Variants in UNC5C observed in about 807,000 individuals in gnomAD.
UNC5C encodes unc-5 netrin receptor C.
In UNC5C, 47 loss-of-function variants were observed where a neutral mutation model predicts 99.8. That is an observed-to-expected ratio of 0.47 (90% CI 0.37 to 0.60). The LOEUF (loss-of-function observed/expected upper bound fraction) is 0.60, where lower values mean the gene tolerates loss of function less well. UNC5C is among the 20% of genes least tolerant of loss of function. The pLI, the probability that UNC5C is intolerant of heterozygous loss-of-function variation, is 0.00. For synonymous variants in UNC5C, 487 were observed against 452.2 expected (o/e 1.08, Z -0.98); for missense variants, 1,062 against 1,165.9 (o/e 0.91, Z 1.30).
chr4:95,523,879 G>A (rs1033086091), intron 1 of UNC5C, among the ~76,000 whole-genome samples: 1 of 151,930 alleles, frequency 6.6e-6, no homozygotes. Flanking sequence ...TTCTATAAAA[G>A]GTTCACAAAT....
Position 95,464,120 on chromosome 4 carries a change from A to ATATG in UNC5C, c.124+84610_124+84613dup, listed in dbSNP as rs1345823227. Among the ~76,000 whole-genome samples, 5 of 152,228 alleles carry ATATG rather than the reference A, an allele frequency of 3.3e-5. No homozygotes were observed. The South Asian group carries it at 6.2e-4, about 19-fold the overall frequency. Reference sequence around the variant, plus strand: ...CTATTACGTAACAGAAAGGTGCTGGATATGTAGATGGAGGGAAACATCTCA... The same window carrying ATATG: ...CTATTACGTAACAGAAAGGTGCTGGATATGTATGTAGATGGAGGGAAACATCTCA... On this transcript the variant is annotated intron_variant, in intron 1 of 15. Coordinates refer to ENST00000453304, the MANE Select transcript of UNC5C (RefSeq NM_003728.4).
chr4:95,387,461 T>C (rs761648263), intron 1 of UNC5C, among the ~76,000 whole-genome samples: 1 of 152,180 alleles, frequency 6.6e-6, no homozygotes, highest in African/African-American at 2.4e-5. Flanking sequence ...GAATGCAGTA[T>C]CTTTAAGAAT....
At chr4:95,173,378 T>A (rs1377780844) in intron 14 of UNC5C, among the ~76,000 whole-genome samples, 3,694 of 114,902 alleles carry the variant, frequency 0.032, no homozygotes, top group East Asian at 0.062. Flanking sequence ...GCTGTGGGTT[T>A]GTCATAGATA....
chr4:95,208,134 T>A (rs2149362975), intron 10 of UNC5C, among the ~76,000 whole-genome samples: 1 of 152,320 alleles, frequency 6.6e-6, no homozygotes, highest in Admixed American at 6.5e-5. Context: ...AACTCAACAC[T>A]CAAATAGTAT....
intron 1 of UNC5C, among the ~76,000 whole-genome samples, chr4:95,461,255 A>G (rs1044257162): frequency 1.3e-5 from 2 of 152,192 alleles, no homozygotes; most frequent in Non-Finnish European, 2.9e-5. Context: ...TTAATGTTTG[A>G]TTGATTCTTC....
At chr4:95,327,968 G>T (rs1272935827) in intron 2 of UNC5C, among the ~76,000 whole-genome samples, 1 of 151,348 alleles carries the variant, frequency 6.6e-6, no homozygotes, top group African/African-American at 2.4e-5. Context: ...GCCATCCGTG[G>T]AGGCAAAGCT....
At chr4:95,293,682 G>A (rs183237903) in intron 3 of UNC5C, among the ~76,000 whole-genome samples, 2 of 152,188 alleles carry the variant, frequency 1.3e-5, no homozygotes, top group African/African-American at 4.8e-5. Flanking sequence ...ACAAATCCTT[G>A]TCTCCTCCTC....
intron 6 of UNC5C, among the ~76,000 whole-genome samples, chr4:95,243,392 A>G (rs1442086796): frequency 6.6e-6 from 1 of 152,188 alleles, no homozygotes; most frequent in African/African-American, 2.4e-5. Context: ...CTTAAGTCTC[A>G]GTTTGAAAAA....
chr4:95,482,097 G>A (rs1431364034), intron 1 of UNC5C, among the ~76,000 whole-genome samples: 11 of 151,982 alleles, frequency 7.2e-5, no homozygotes, highest in African/African-American at 2.7e-4. Flanking sequence ...GAAAATTTTT[G>A]CAACCTACTC....
At chr4:95,531,689 C>G (rs986512008) in intron 1 of UNC5C, among the ~76,000 whole-genome samples, 1 of 152,176 alleles carries the variant, frequency 6.6e-6, no homozygotes, top group Non-Finnish European at 1.5e-5. Context: ...TACAGGGAAA[C>G]ACTGGGTTTA....
Position 95,393,747 on chromosome 4 carries a change from T to C in UNC5C, c.125-58116A>G, listed in dbSNP as rs187044704. On this transcript the variant is annotated intron_variant, in intron 1 of 15. Coordinates refer to ENST00000453304, the MANE Select transcript of UNC5C (RefSeq NM_003728.4). ...CCGTGATCGCTTATTCATTTGAAAT[T>C]AAAAGCCTACTGATGTTTTATTACA... 9.8e-5 allele frequency among the ~76,000 whole-genome samples: 15 copies of C among 152,320 alleles called. No individual in the cohort carries two copies. The East Asian group carries it at 2.7e-3, about 27-fold the overall frequency.
chr4:95,398,753 C>G (rs142158488), intron 1 of UNC5C, among the ~76,000 whole-genome samples: 5 of 152,028 alleles, frequency 3.3e-5, no homozygotes, highest in African/African-American at 1.2e-4. Context: ...TTAGTCTGTG[C>G]CTTCTCAGTG....
At chr4:95,377,202 ACACT>A (rs1449719950) in intron 1 of UNC5C, among the ~76,000 whole-genome samples, 1 of 152,194 alleles carries the variant, frequency 6.6e-6, no homozygotes, top group Non-Finnish European at 1.5e-5. Context: ...TTTCAAAATC[ACACT>A]TTTCAATTTT....
chr4:95,180,629 G>A (rs952929171), intron 14 of UNC5C, among the ~76,000 whole-genome samples: 5 of 152,290 alleles, frequency 3.3e-5, no homozygotes, highest in African/African-American at 1.2e-4. Context: ...TACATGTCAC[G>A]CACAGCCTGG....
At chr4:95,415,237 A>G (rs1463996667) in intron 1 of UNC5C, among the ~76,000 whole-genome samples, 3 of 152,162 alleles carry the variant, frequency 2.0e-5, no homozygotes, top group Non-Finnish European at 4.4e-5. Flanking sequence ...CATAGTCTAC[A>G]TTTATTGGCA....
chr4:95,545,787 C>A (rs1723045126), intron 1 of UNC5C, among the ~76,000 whole-genome samples: 1 of 152,090 alleles, frequency 6.6e-6, no homozygotes, highest in Non-Finnish European at 1.5e-5. Context: ...CACACACACA[C>A]ACACACACTG....
At chr4:95,368,256 A>G (rs1293317025) in intron 1 of UNC5C, among the ~76,000 whole-genome samples, 3 of 151,724 alleles carry the variant, frequency 2.0e-5, no homozygotes, top group Non-Finnish European at 2.9e-5. Flanking sequence ...TCCTGTCTAT[A>G]GAAACTAAGT....
At chr4:95,344,086 C>T (rs1743679714) in intron 1 of UNC5C, among the ~76,000 whole-genome samples, 1 of 151,944 alleles carries the variant, frequency 6.6e-6, no homozygotes, top group African/African-American at 2.4e-5. Context: ...CATTCAAGCA[C>T]AAGAAGGCTA....
intron 7 of UNC5C, among the ~76,000 whole-genome samples, chr4:95,233,929 C>T (rs1271092946): frequency 1.3e-5 from 2 of 151,648 alleles, no homozygotes; most frequent in Non-Finnish European, 2.9e-5. Context: ...GAATGAGACT[C>T]CATCACATTT....
Sources: gnomAD v4.1 joint callset for allele counts (sites outside exome capture counted in the v4.1 genomes callset) on GRCh38, gnomAD v4.1.1 for gene constraint, MANE v1.5 for transcripts, NCBI Gene and HGNC (gene_info 2026-07-23, HGNC 2026-07-21) for gene names.